RBM19: variants seen among roughly 807,000 people sequenced by gnomAD.
The protein encoded by RBM19 is RNA binding motif protein 19, also known as probable RNA-binding protein 19.
In RBM19, 94 loss-of-function variants were observed where a neutral mutation model predicts 116.8. The observed-to-expected ratio is 0.80, with a 90% CI of 0.68 to 0.95. RBM19 has a LOEUF of 0.95. RBM19 is among the 40% of genes least tolerant of loss of function. The probability of loss-of-function intolerance (pLI) is 0.00; values close to 1 mark genes in which losing one functional copy is unlikely to be tolerated. For missense variants in RBM19, 1,161 were observed against 1,220.7 expected, an observed-to-expected ratio of 0.95 and a Z score of 0.73; for synonymous variants, 475 against 494.1, an observed-to-expected ratio of 0.96 and a Z score of 0.51.
In RBM19 at chr12:113,858,682, C is replaced by T. The variant is rs539665756; in HGVS notation, c.2664+109G>A. 111 of 1,013,370 alleles carry T rather than the reference C, an allele frequency of 1.1e-4. No individual in the cohort carries two copies. The African/African-American group carries it at 1.7e-3, about 15-fold the overall frequency. 62.8% of individuals were successfully genotyped at this position (1,013,370 alleles called of 1,614,324 possible). ...CAGAAACAAAGGCAAAAAAAGAACA[C>T]CTGCATGGGGAGGTGACTCTGTGTG... On this transcript the variant is annotated intron_variant, in intron 22 of 23. Transcript: ENST00000261741.
rs182530461 is a variant in RBM19, at chr12:113,959,375, A to T, written c.408T>A (p.Phe136Leu). The change falls in exon 5 of 24, where the codon TTT becomes TTA. Residue 136 changes from phenylalanine to leucine, a missense_variant. By Grantham distance (22) the Phe-to-Leu change is conservative (BLOSUM62 0). Transcript: ENST00000261741. ...GCGCCCGCCTCTGATGAACTGACAG[A>T]AACTCCTGGAACTCTGTATCCTCCT... ...KLKEDTEFQE[F>L]LSVHQRRAQA... The T allele has an allele frequency of 6.2e-7, 1 of 1,611,014 alleles. No individual in the cohort carries two copies. The highest frequency in any genetic ancestry group is 2.2e-5 in the East Asian group (1 of 44,776).
intron 23 of RBM19, among the ~76,000 whole-genome samples, chr12:113,828,543 AAGG>A (rs1875082187): frequency 1.3e-5 from 2 of 151,964 alleles, no homozygotes; most frequent in Admixed American, 6.6e-5. Flanking sequence ...CGAGGGGAGG[AAGG>A]AGGTTGGGGC....
chr12:113,871,597 G>C (rs1262980591), intron 21 of RBM19, among the ~76,000 whole-genome samples: 1 of 152,194 alleles, frequency 6.6e-6, no homozygotes, highest in South Asian at 2.1e-4. Context: ...AACGGACGAC[G>C]GGGACGTAGG....
At chr12:113,818,565 CAAT>C (rs59457218), downstream of RBM19, among the ~76,000 whole-genome samples, 14,710 of 152,284 alleles carry the variant, frequency 0.097, 885 homozygotes, top group African/African-American at 0.17. Context: ...GTTATGTTCA[CAAT>C]AATGATGGCA....
At chr12:113,845,794 G>A (rs1876914819) in intron 22 of RBM19, among the ~76,000 whole-genome samples, 1 of 152,164 alleles carries the variant, frequency 6.6e-6, no homozygotes, top group Non-Finnish European at 1.5e-5. Flanking sequence ...ACACTCCCAC[G>A]GCACAGAGAG....
chr12:113,949,929 G>C (rs970986611), intron 9 of RBM19, among the ~76,000 whole-genome samples, 154 bp downstream of exon 9: 2 of 152,126 alleles, frequency 1.3e-5, no homozygotes, highest in African/African-American at 4.8e-5. Context: ...GGGTCTGTTT[G>C]CTCCCTGCCA....
Position 113,858,950 on chromosome 12 carries a change from G to A in RBM19, c.2559-54C>T, listed in dbSNP as rs757652236. 12 of 1,525,932 alleles carry A rather than the reference G, an allele frequency of 7.9e-6. No homozygotes were observed. In the Admixed American group the frequency reaches 1.7e-4, roughly 21 times the overall value. 94.5% of individuals were successfully genotyped at this position (1,525,932 alleles called of 1,614,324 possible). ...TTAAGAATAGAGGCCCGCAAGGGAG[G>A]TCGGGAAGGCAGGACTGATTCTCAC... On this transcript the variant is annotated intron_variant, in intron 21 of 23. Coordinates refer to ENST00000261741, the MANE Select transcript of RBM19 (RefSeq NM_016196.4).
intron 4 of RBM19, among the ~76,000 whole-genome samples, 169 bp from the exon 5 acceptor site, chr12:113,959,573 T>G (rs1872302110): frequency 6.6e-6 from 1 of 152,220 alleles, no homozygotes; most frequent in Admixed American, 6.5e-5. Flanking sequence ...GGGTCAGTTC[T>G]GAGGAAGGCA....
downstream of RBM19, among the ~76,000 whole-genome samples, chr12:113,818,993 G>A (rs926585782): frequency 6.6e-6 from 1 of 152,218 alleles, no homozygotes; most frequent in South Asian, 2.1e-4. Flanking sequence ...GGGAGAGGGC[G>A]GGATGCCTGG....
At chr12:113,917,457 C>T (rs1258004205) in intron 20 of RBM19, among the ~76,000 whole-genome samples, 2 of 152,192 alleles carry the variant, frequency 1.3e-5, no homozygotes, top group African/African-American at 2.4e-5. Flanking sequence ...CCCCACTAGA[C>T]TTCTGAGGGC....
chr12:113,887,713 C>A (rs1027070674), intron 21 of RBM19, among the ~76,000 whole-genome samples: 15 of 150,964 alleles, frequency 9.9e-5, no homozygotes, highest in African/African-American at 3.7e-4. Flanking sequence ...CTTGGGTGGG[C>A]CTCAGGCACC....
At chr12:113,944,837 G>A (rs141636394) in intron 13 of RBM19, among the ~76,000 whole-genome samples, 1,621 of 145,932 alleles carry the variant, frequency 0.011, 4 homozygotes, top group African/African-American at 0.039. Context: ...ATATGTATAT[G>A]AATGTGTATA....
chr12:113,845,239 C>T (rs1189284028), intron 22 of RBM19, among the ~76,000 whole-genome samples: 1 of 152,072 alleles, frequency 6.6e-6, no homozygotes, highest in African/African-American at 2.4e-5. Context: ...GTGACTCTGT[C>T]CCCCACGCTG....
intron 10 of RBM19, among the ~76,000 whole-genome samples, chr12:113,947,999 A>G (rs1871182214): frequency 1.3e-5 from 2 of 152,158 alleles, no homozygotes; most frequent in African/African-American, 4.8e-5. Context: ...GCCTGTGTGA[A>G]GGATATGGTG....
chr12:113,856,534 C>T (rs1364095526), intron 22 of RBM19, among the ~76,000 whole-genome samples: 1 of 152,232 alleles, frequency 6.6e-6, no homozygotes, highest in African/African-American at 2.4e-5. Flanking sequence ...GAAGGGGCTC[C>T]AACGCCTTTG....
At position 113,920,459 on chromosome 12, in the gene RBM19, T is replaced by C. The variant is rs1868429021; in HGVS notation, c.2385+152A>G. On this transcript the variant is annotated intron_variant, in intron 19 of 23. Coordinates refer to ENST00000261741, the MANE Select transcript of RBM19 (RefSeq NM_016196.4). Reference sequence around the variant, plus strand: ...TTGGGAAAGGTTCTTAATTTTTTCTTGGGCCACAGTCCCGTAGAGATCTGG... The same window carrying C: ...TTGGGAAAGGTTCTTAATTTTTTCTCGGGCCACAGTCCCGTAGAGATCTGG... The C allele has an allele frequency of 5.7e-6, 4 of 707,070 alleles. No homozygotes were observed. The South Asian group carries it at 7.2e-5, about 13-fold the overall frequency. The allele number at this position is 707,070 out of a possible 1,614,324, so 43.8% of individuals were successfully genotyped here.
chr12:113,936,812 T>C (rs1292709343), intron 16 of RBM19, 195 bp downstream of exon 16: 1 of 630,566 alleles, frequency 1.6e-6, no homozygotes, highest in East Asian at 3.1e-5. Context: ...ACTAAAAGCA[T>C]ATTGCATCCA....
Position 113,915,001 on chromosome 12 carries a change from C to T in RBM19, c.2526G>A (p.Gln842=), listed in dbSNP as rs781404409. The stretch of plus-strand genomic sequence containing the variant: ...GCTCTCGGATCTCCCGGCTGTGGGC[C>T]TGGAAGGGGATGTTCCGCACCAGGA... ...SKILVRNIPF[Q]AHSREIRELF... Residue 842 remains glutamine (Q), a synonymous_variant, in exon 21 of 24, where the codon CAG becomes CAA. Coordinates refer to ENST00000261741, the MANE Select transcript of RBM19 (RefSeq NM_016196.4). 1.2e-6 allele frequency: 2 copies of T among 1,614,166 alleles called. No homozygotes were observed. Among genetic ancestry groups the T allele is most frequent in the Admixed American group, 1.7e-5 (1 of 60,016 alleles).
chr12:113,860,169 C>T (rs756844871), intron 21 of RBM19, among the ~76,000 whole-genome samples: 4 of 152,204 alleles, frequency 2.6e-5, no homozygotes, highest in Non-Finnish European at 4.4e-5. Flanking sequence ...GCCAGCCTCC[C>T]GGGGAGGGGA....
Sources: gnomAD v4.1 joint callset for allele counts (sites outside exome capture counted in the v4.1 genomes callset) on GRCh38, gnomAD v4.1.1 for gene constraint, MANE v1.5 for transcripts, NCBI Gene and HGNC (gene_info 2026-07-23, HGNC 2026-07-21) for gene names.